GPHN: variants seen among roughly 807,000 people sequenced by gnomAD.
The protein encoded by GPHN is gephyrin.
In GPHN, 17 loss-of-function variants were observed where a neutral mutation model predicts 95.5. That is an observed-to-expected ratio of 0.18 (90% CI 0.12 to 0.27). The LOEUF (loss-of-function observed/expected upper bound fraction) is 0.27. GPHN is among the 10% of genes least tolerant of loss of function. The pLI, the probability that GPHN is intolerant of heterozygous loss-of-function variation, is 1.00. For missense variants in GPHN, 660 were observed against 978.1 expected (o/e 0.67, Z 4.34); for synonymous variants, 320 against 322.5 (o/e 0.99, Z 0.08).
the GPHN span, chr14:67,653,445 C>T: frequency 8.1e-6 from 13 of 1,613,884 alleles, no homozygotes; most frequent in East Asian, 1.8e-4. Context: ...ACTTTCTGGA[C>T]ATTGAACGGA....
the GPHN span, among the ~76,000 whole-genome samples, chr14:67,392,133 G>A: frequency 6.6e-6 from 1 of 152,136 alleles, no homozygotes; most frequent in East Asian, 1.9e-4. Context: ...TGGTACACAT[G>A]TGTGTGTGAG....
chr14:66,975,081 T>C (rs1014825841), intron 9 of GPHN, among the ~76,000 whole-genome samples: 4 of 152,214 alleles, frequency 2.6e-5, no homozygotes, highest in Admixed American at 2.6e-4. Flanking sequence ...CTTAGTAATA[T>C]GAGCATCTTT....
downstream of GPHN, among the ~76,000 whole-genome samples, chr14:67,185,824 C>G (rs1026211209): frequency 8.6e-5 from 13 of 151,894 alleles, no homozygotes; most frequent in African/African-American, 2.9e-4. Flanking sequence ...TTCATGAAAC[C>G]CTAACAATGT....
At chr14:67,444,682 T>C in the GPHN span, among the ~76,000 whole-genome samples, 5,239 of 152,118 alleles carry the variant, frequency 0.034, 252 homozygotes, top group South Asian at 0.12. Context: ...ACCAAATACG[T>C]GATTAGAAGG....
chr14:66,547,561 A>T (rs1021792013), intron 1 of GPHN, among the ~76,000 whole-genome samples: 3 of 152,196 alleles, frequency 2.0e-5, no homozygotes, highest in Admixed American at 2.0e-4. Flanking sequence ...TAGGTTTTAT[A>T]AAGCTTTTTC....
the GPHN span, among the ~76,000 whole-genome samples, chr14:67,566,496 G>A: frequency 6.6e-6 from 1 of 152,136 alleles, no homozygotes; most frequent in Non-Finnish European, 1.5e-5. Flanking sequence ...TGTAATCCCA[G>A]CACTTTGGGA....
chr14:67,503,934 C>G, the GPHN span, among the ~76,000 whole-genome samples: 6 of 152,010 alleles, frequency 3.9e-5, no homozygotes, highest in Admixed American at 3.9e-4. Context: ...GAACTCCTGA[C>G]CTCGTGATCT....
the GPHN span, among the ~76,000 whole-genome samples, chr14:67,419,633 C>G: frequency 6.6e-6 from 1 of 152,102 alleles, no homozygotes; most frequent in Non-Finnish European, 1.5e-5. Flanking sequence ...GAGGCCGAGG[C>G]GGGCGGATCA....
intron 11 of GPHN, among the ~76,000 whole-genome samples, chr14:67,087,024 C>CA (rs1392393669): frequency 8.5e-6 from 1 of 117,374 alleles, no homozygotes; most frequent in East Asian, 2.8e-4. Flanking sequence ...GGCGACAGAG[C>CA]AAGACTCTGT....
chr14:66,786,500 C>CA (rs1046505142), intron 3 of GPHN, among the ~76,000 whole-genome samples: 15 of 151,824 alleles, frequency 9.9e-5, no homozygotes, highest in African/African-American at 3.6e-4. Context: ...CAATCTCCTC[C>CA]AAAAAAATAA....
At chr14:66,831,522 CCATGT>C (rs1447547017) in intron 4 of GPHN, among the ~76,000 whole-genome samples, 1 of 151,984 alleles carries the variant, frequency 6.6e-6, no homozygotes, top group Non-Finnish European at 1.5e-5. Context: ...GAAATAGTTC[CCATGT>C]CATATCTTTG....
intron 10 of GPHN, among the ~76,000 whole-genome samples, chr14:67,024,865 C>T (rs888381258): frequency 3.3e-5 from 5 of 152,048 alleles, no homozygotes; most frequent in Admixed American, 6.5e-5. Flanking sequence ...GGTAAAAATT[C>T]ATGGGGTTTT....
chr14:66,605,489 C>T (rs1053625695), intron 1 of GPHN, among the ~76,000 whole-genome samples: 1 of 150,124 alleles, frequency 6.7e-6, no homozygotes, highest in Non-Finnish European at 1.5e-5. Context: ...TGGCCACTTA[C>T]AATGTCTTCT....
chr14:67,681,593 C>T, the GPHN span, among the ~76,000 whole-genome samples: 7 of 152,078 alleles, frequency 4.6e-5, no homozygotes, highest in Non-Finnish European at 2.9e-5. Context: ...ACCAGCCTGA[C>T]CTACGTGGCA....
intron 1 of GPHN, among the ~76,000 whole-genome samples, chr14:66,558,200 G>A (rs1017503232): frequency 1.7e-4 from 26 of 152,006 alleles, no homozygotes; most frequent in African/African-American, 4.6e-4. Context: ...GCTAGTAAGC[G>A]TCAGTGTATA....
chr14:67,426,958 T>C, the GPHN span, among the ~76,000 whole-genome samples: 1 of 152,086 alleles, frequency 6.6e-6, no homozygotes, highest in Non-Finnish European at 1.5e-5. Context: ...CACCTAGTCC[T>C]CCCCAGGCCT....
the GPHN span, among the ~76,000 whole-genome samples, chr14:67,263,674 A>G: frequency 1.3e-5 from 2 of 152,190 alleles, no homozygotes; most frequent in African/African-American, 4.8e-5. Context: ...TCGAAAAACA[A>G]CTTAACCTCT....
intron 5 of GPHN, among the ~76,000 whole-genome samples, chr14:66,915,374 C>T (rs976156647): frequency 2.0e-5 from 3 of 152,154 alleles, no homozygotes; most frequent in African/African-American, 7.2e-5. Flanking sequence ...CTCCTTGACT[C>T]CAGTCTTCCA....
chr14:67,637,410 C>CAAAAAAAAAAAAAAA, the GPHN span, among the ~76,000 whole-genome samples: 1 of 103,620 alleles, frequency 9.7e-6, no homozygotes, highest in Non-Finnish European at 1.8e-5. Context: ...GACTCTGTCT[C>CAAAAAAAAAAAAAAA]AAAAAAAAAA....
Sources: allele counts gnomAD v4.1 joint callset (sites outside exome capture counted in the v4.1 genomes callset), GRCh38; gene constraint gnomAD v4.1.1; transcripts MANE v1.5; gene names NCBI Gene and HGNC (gene_info 2026-07-23, HGNC 2026-07-21).